CKM: variants seen among roughly 807,000 people sequenced by gnomAD.
CKM encodes creatine kinase M-type.
CKM carries 28 observed loss-of-function variants against 35.4 expected under a neutral mutation model. That is an observed-to-expected ratio of 0.79 (90% CI 0.59 to 1.08). CKM has a LOEUF of 1.08. Among genes scored for constraint, CKM ranks in the 50% least tolerant of loss-of-function variants. The pLI, the probability that CKM is intolerant of heterozygous loss-of-function variation, is 0.00. For synonymous variants in CKM, 215 were observed against 204.4 expected, an observed-to-expected ratio of 1.05 and a Z score of -0.44; for missense variants, 484 against 509.8, an observed-to-expected ratio of 0.95 and a Z score of 0.49.
intron 4 of CKM, 131 bp downstream of exon 4, chr19:45,315,334 A>C: frequency 1.9e-6 from 2 of 1,041,976 alleles, no homozygotes; most frequent in Non-Finnish European, 2.8e-6. Flanking sequence ...CCATTCCCCA[A>C]GCCCCCACGA....
chr19:45,311,511 C>G (rs577728296), intron 5 of CKM, among the ~76,000 whole-genome samples: 1 of 152,224 alleles, frequency 6.6e-6, no homozygotes, highest in African/African-American at 2.4e-5. Flanking sequence ...CAGGCATGAG[C>G]CACCGTGCCC....
rs1408772973 is a variant in CKM at position 45,311,841 on chromosome 19, G to A, written c.561C>T (p.Leu187=). The change falls in exon 5 of 8, where the codon CTC becomes CTT. Residue 187 remains leucine (L), a synonymous_variant. Transcript: ENST00000221476. ...KSMTEKEQQQ[L]IDDHFLFDKP... Reference sequence around the variant, plus strand: ...TGTCGAACAGGAAGTGGTCATCGATGAGCTGCTGCTGCTCCTTCTCCGTCA... The same window carrying A: ...TGTCGAACAGGAAGTGGTCATCGATAAGCTGCTGCTGCTCCTTCTCCGTCA... The A allele has an allele frequency of 6.2e-7, 1 of 1,613,610 alleles. No individual in the cohort carries two copies. The highest frequency in any genetic ancestry group is 8.5e-7 in the Non-Finnish European group (1 of 1,179,904).
intron 4 of CKM, among the ~76,000 whole-genome samples, chr19:45,314,712 CTCTTTTTATT>C (rs998479121): frequency 6.6e-6 from 1 of 151,628 alleles, no homozygotes; most frequent in African/African-American, 2.4e-5. Flanking sequence ...TGTGCCTGGC[CTCTTTTTATT>C]TGTTTTTGAG....
chr19:45,311,337 G>A (rs1222980035), intron 5 of CKM, among the ~76,000 whole-genome samples: 3 of 149,700 alleles, frequency 2.0e-5, no homozygotes, highest in Non-Finnish European at 3.0e-5. Context: ...GGGTTCAAGC[G>A]ATTCTCCTGC....
chr19:45,322,833 G>C lies in CKM; in HGVS notation c.-31C>G, dbSNP rs1436792579. On this transcript the variant is annotated 5_prime_UTR_variant, in exon 1 of 8. Transcript: ENST00000221476. Reference sequence around the variant, plus strand: ...CCCCGTGCAGTACCTGGCTGGGCTGGGCTGAAGGGGGGCTGTCTGTATCCT... The same window carrying C: ...CCCCGTGCAGTACCTGGCTGGGCTGCGCTGAAGGGGGGCTGTCTGTATCCT... The C allele has an allele frequency of 4.0e-5, 39 of 986,064 alleles. No individual in the cohort carries two copies. Among genetic ancestry groups the C allele is most frequent in the Non-Finnish European group, 4.7e-5 (39 of 830,494 alleles). 61.1% of individuals were successfully genotyped at this position (986,064 alleles called of 1,614,324 possible). A position where few individuals can be genotyped will look rare whatever the true frequency, so the allele number is the denominator to read the frequency against.
At chr19:45,319,760 G>A (rs755499674) in intron 1 of CKM, 29 bp from the exon 2 acceptor site, 2 of 1,547,084 alleles carry the variant, frequency 1.3e-6, no homozygotes, top group Non-Finnish European at 1.8e-6. Context: ...GGGGAAGATT[G>A]AAGATTAGCT....
intron 4 of CKM, among the ~76,000 whole-genome samples, chr19:45,312,594 G>A (rs1174826257): frequency 1.3e-5 from 2 of 151,558 alleles, no homozygotes; most frequent in Non-Finnish European, 2.9e-5. Flanking sequence ...GGCTAATTTT[G>A]TATTTTTAGT....
At chr19:45,320,798 G>T (rs879822642) in intron 1 of CKM, among the ~76,000 whole-genome samples, 3 of 152,144 alleles carry the variant, frequency 2.0e-5, no homozygotes, top group Non-Finnish European at 4.4e-5. Context: ...AGCACTTGCC[G>T]CATGGGAGTG....
intron 7 of CKM, among the ~76,000 whole-genome samples, chr19:45,307,145 AAG>A (rs1568508589): frequency 6.6e-6 from 1 of 152,150 alleles, no homozygotes; most frequent in Non-Finnish European, 1.5e-5. Flanking sequence ...TATAGTGGGT[AAG>A]AGAGTGGGTT....
rs756206892 is a variant in CKM at position 45,307,555 on chromosome 19, C to G, written c.873G>C (p.Leu291=). ...LTCPSNLGTG[L]RGGVHVKLAH... is the part of the protein sequence containing the mutation. ...CCAGCTTCACATGCACGCCTCCACGCAGCCCAGTGCCCAGGTTGGATGGGC... is the reference window on the plus strand; with the variant it reads ...CCAGCTTCACATGCACGCCTCCACGGAGCCCAGTGCCCAGGTTGGATGGGC... The change falls in exon 7 of 8, where the codon CTG becomes CTC. Residue 291 remains leucine, a synonymous_variant. Coordinates refer to ENST00000221476, the MANE Select transcript of CKM (RefSeq NM_001824.5). 1 of 1,614,170 alleles carries G rather than the reference C, an allele frequency of 6.2e-7. No homozygotes were observed. Among genetic ancestry groups the G allele is most frequent in the Non-Finnish European group, 8.5e-7 (1 of 1,179,988 alleles).
chr19:45,315,618 C>T (rs1194954405), intron 3 of CKM, 21 bp from the exon 4 acceptor site: 2 of 1,601,384 alleles, frequency 1.2e-6, no homozygotes, highest in Admixed American at 3.3e-5. Context: ...GGTGGGAGAT[C>T]AGGACCAGGC....
At chr19:45,321,939 GTGC>G (rs1245734823) in intron 1 of CKM, among the ~76,000 whole-genome samples, 3 of 152,108 alleles carry the variant, frequency 2.0e-5, no homozygotes, top group African/African-American at 7.2e-5. Context: ...AAGACCTTGG[GTGC>G]TGCTGTCCAG....
At position 45,317,828 on chromosome 19, in the gene CKM, G is replaced by C. The variant is rs544987237; in HGVS notation, c.345C>G (p.Leu115=). ...CCCCTCCTGCGCAGACACCGACCTT[G>C]AGGTTTTCATGGTTGAGGTCAGTCT... ...KHKTDLNHEN[L]KGGDDLDPNY... Residue 115 remains leucine, a synonymous_variant, in exon 3 of 8, where the codon CTC becomes CTG. Transcript: ENST00000221476. 9 of 1,613,960 alleles carry C rather than the reference G, an allele frequency of 5.6e-6. No homozygotes were observed. In the African/African-American group the frequency reaches 1.2e-4, roughly 22 times the overall value.
intron 5 of CKM, 111 bp from the exon 6 acceptor site, chr19:45,308,643 T>G: frequency 7.2e-7 from 1 of 1,387,498 alleles, no homozygotes. Flanking sequence ...GCCTGAGGGG[T>G]GGGAGGTGGG....
At chr19:45,307,790 T>G (rs1393428023) in intron 6 of CKM, 140 bp from the exon 7 acceptor site, 1 of 682,554 alleles carries the variant, frequency 1.5e-6, no homozygotes, top group African/African-American at 1.8e-5. Context: ...GGTAGGAGAT[T>G]CCGAGGGTGC....
At chr19:45,315,098 G>C (rs1014578404) in intron 4 of CKM, among the ~76,000 whole-genome samples, 2 of 152,062 alleles carry the variant, frequency 1.3e-5, no homozygotes, top group African/African-American at 4.8e-5. Context: ...TTCATCTGTG[G>C]GTTTCTGTAT....
chr19:45,308,027 A>G (rs1430428975), intron 6 of CKM, among the ~76,000 whole-genome samples: 1 of 151,768 alleles, frequency 6.6e-6, no homozygotes, highest in Non-Finnish European at 1.5e-5. Flanking sequence ...CTACGCCTGG[A>G]TAATTTATTT....
At chr19:45,314,843 C>T (rs1171370790) in intron 4 of CKM, among the ~76,000 whole-genome samples, 1 of 152,098 alleles carries the variant, frequency 6.6e-6, no homozygotes, top group African/African-American at 2.4e-5. Context: ...TCCTGAGTAG[C>T]TGGGATGACA....
At chr19:45,314,514 A>G (rs1971139371) in intron 4 of CKM, among the ~76,000 whole-genome samples, 1 of 151,898 alleles carries the variant, frequency 6.6e-6, no homozygotes, top group African/African-American at 2.4e-5. Context: ...CCCAGGTTCA[A>G]GCGATTCTCC....
Sources: allele counts gnomAD v4.1 joint callset (sites outside exome capture counted in the v4.1 genomes callset), GRCh38; gene constraint gnomAD v4.1.1; transcripts MANE v1.5; gene names NCBI Gene and HGNC (gene_info 2026-07-23, HGNC 2026-07-21).